SGCZ: variants seen among roughly 807,000 people sequenced by gnomAD.
The protein encoded by SGCZ is sarcoglycan zeta.
A neutral mutation model predicts 41.3 loss-of-function variants in SGCZ; 40 were observed. The observed-to-expected ratio is 0.97, with a 90% CI of 0.75 to 1.26. SGCZ has a LOEUF of 1.26. Ranked by LOEUF, SGCZ falls within the 50% of genes most tolerant of loss-of-function variation. The pLI is 0.00. For synonymous variants in SGCZ, 206 were observed against 137.5 expected (o/e 1.50, Z -3.49); for missense variants, 552 against 369.8 (o/e 1.49, Z -4.04).
chr8:14,377,317 T>C (rs1467310936), intron 2 of SGCZ, among the ~76,000 whole-genome samples: 1 of 152,008 alleles, frequency 6.6e-6, no homozygotes, highest in Non-Finnish European at 1.5e-5. Context: ...GAGGGTGGTG[T>C]GCATGCAGAG....
rs544818008 is a variant in SGCZ, at chr8:14,200,948, A to G, written c.425-36246T>C. Among the ~76,000 whole-genome samples the G allele has an allele frequency of 2.0e-5, 3 of 152,304 alleles. No individual in the cohort carries two copies. The South Asian group carries it at 6.2e-4, about 32-fold the overall frequency. ...AGAGCTTTCAAAATTGAATAATTATAAAACAACCCACAAATAAAATCCATA... is the reference window on the plus strand; with the variant it reads ...AGAGCTTTCAAAATTGAATAATTATGAAACAACCCACAAATAAAATCCATA... On this transcript the variant is annotated intron_variant, in intron 4 of 7. Coordinates refer to ENST00000382080, the MANE Select transcript of SGCZ (RefSeq NM_139167.4).
At chr8:14,118,332 G>A (rs768467885) in intron 5 of SGCZ, among the ~76,000 whole-genome samples, 3 of 152,122 alleles carry the variant, frequency 2.0e-5, no homozygotes, top group Admixed American at 6.6e-5. Flanking sequence ...TGATGGTGAG[G>A]TGTTTTTCAT....
chr8:14,547,155 G>A (rs924334571), intron 2 of SGCZ, among the ~76,000 whole-genome samples: 7 of 152,164 alleles, frequency 4.6e-5, no homozygotes, highest in Middle Eastern at 6.8e-3. Flanking sequence ...TCTTAATCAG[G>A]TAATAATTTG....
chr8:14,376,441 C>A (rs1804133336), intron 2 of SGCZ, among the ~76,000 whole-genome samples: 1 of 152,122 alleles, frequency 6.6e-6, no homozygotes, highest in South Asian at 2.1e-4. Context: ...GGTTAGATGA[C>A]ATTTAACCTT....
At chr8:14,379,615 C>G (rs947808361) in intron 2 of SGCZ, among the ~76,000 whole-genome samples, 3 of 152,050 alleles carry the variant, frequency 2.0e-5, no homozygotes, top group African/African-American at 7.2e-5. Context: ...ACACAGTCAA[C>G]CGATACTAAG....
intron 1 of SGCZ, among the ~76,000 whole-genome samples, chr8:14,662,502 T>A (rs540059912): frequency 6.6e-6 from 1 of 152,164 alleles, no homozygotes; most frequent in Non-Finnish European, 1.5e-5. Flanking sequence ...AATAATGCAA[T>A]GTAAAGAATA....
In SGCZ at chr8:14,085,789, T is replaced by C. The variant is rs1267331926; in HGVS notation, c.*4654A>G. 6.6e-6 allele frequency among the ~76,000 whole-genome samples: 1 copy of C among 151,778 alleles called. No homozygotes were observed. The highest frequency in any genetic ancestry group is 1.5e-5 in the Non-Finnish European group (1 of 67,804). ...CTTCTGAAACAAAAGCATTCCTTAA[T>C]TTATACAACTCAGGATCCTCCAAGA... On this transcript the variant is annotated 3_prime_UTR_variant, in exon 8 of 8. Coordinates refer to ENST00000382080, the MANE Select transcript of SGCZ (RefSeq NM_139167.4).
chr8:15,012,859 CT>C lies in SGCZ; in HGVS notation c.39+224725del, dbSNP rs895148000. 2.0e-5 allele frequency among the ~76,000 whole-genome samples: 3 copies of C among 150,590 alleles called. No individual in the cohort carries two copies. The Admixed American group carries it at 2.0e-4, about 10-fold the overall frequency. On this transcript the variant is annotated intron_variant, in intron 1 of 7. Transcript: ENST00000382080. Reference sequence around the variant, plus strand: ...ACATTTCTTTTTCAGTAATTTTCAGCTTTTTTTTCCTTTCTATTCATTTGTA... The same window carrying C: ...ACATTTCTTTTTCAGTAATTTTCAGCTTTTTTTCCTTTCTATTCATTTGTA...
chr8:14,381,390 C>T, intron 2 of SGCZ, among the ~76,000 whole-genome samples: 1 of 152,268 alleles, frequency 6.6e-6, no homozygotes, highest in Middle Eastern at 3.4e-3. Flanking sequence ...AATGGGGTGT[C>T]ATAAAAGATG....
intron 1 of SGCZ, among the ~76,000 whole-genome samples, chr8:14,668,700 G>A (rs1241251112): frequency 6.6e-6 from 1 of 152,172 alleles, no homozygotes; most frequent in Non-Finnish European, 1.5e-5. Flanking sequence ...TCACAGAACA[G>A]CAGAAAGGCT....
chr8:14,201,746 G>T (rs1805462689), intron 4 of SGCZ, among the ~76,000 whole-genome samples: 1 of 152,082 alleles, frequency 6.6e-6, no homozygotes, highest in Non-Finnish European at 1.5e-5. Flanking sequence ...GCTCTATACT[G>T]AAGTAGGAAA....
chr8:15,219,296 A>T (rs1358747758), intron 1 of SGCZ, among the ~76,000 whole-genome samples: 4 of 152,188 alleles, frequency 2.6e-5, no homozygotes, highest in African/African-American at 9.7e-5. Flanking sequence ...ATATATACAT[A>T]TAAGTATGTG....
chr8:14,175,074 C>G (rs1457976605), intron 4 of SGCZ, among the ~76,000 whole-genome samples: 1 of 151,990 alleles, frequency 6.6e-6, no homozygotes, highest in Non-Finnish European at 1.5e-5. Flanking sequence ...GTTAAGACTT[C>G]AACATATTAA....
At chr8:14,685,353 G>C (rs1808578703) in intron 1 of SGCZ, among the ~76,000 whole-genome samples, 1 of 152,062 alleles carries the variant, frequency 6.6e-6, no homozygotes, top group Non-Finnish European at 1.5e-5. Flanking sequence ...ATTAGACAAA[G>C]ATAGAAGTCT....
At chr8:14,272,521 T>C (rs956393210) in intron 3 of SGCZ, among the ~76,000 whole-genome samples, 52 of 152,176 alleles carry the variant, frequency 3.4e-4, no homozygotes, top group African/African-American at 1.0e-3. Flanking sequence ...TTTCAAGCTA[T>C]TAATATGACA....
intron 1 of SGCZ, among the ~76,000 whole-genome samples, chr8:14,777,975 G>A (rs1240930631): frequency 6.6e-6 from 1 of 151,650 alleles, no homozygotes; most frequent in African/African-American, 2.4e-5. Context: ...TCAGGCTGGA[G>A]TGCAGAGGCA....
intron 2 of SGCZ, among the ~76,000 whole-genome samples, chr8:14,504,949 A>G (rs17119489): frequency 0.033 from 5,095 of 152,218 alleles, 217 homozygotes; most frequent in African/African-American, 0.096. Context: ...TGTTATGGCT[A>G]TTTATAATGT....
intron 1 of SGCZ, among the ~76,000 whole-genome samples, chr8:14,632,296 T>C (rs1478333126): frequency 6.6e-6 from 1 of 152,088 alleles, no homozygotes; most frequent in East Asian, 1.9e-4. Context: ...GCATTAGGAT[T>C]ACAGGCCTGA....
intron 1 of SGCZ, among the ~76,000 whole-genome samples, chr8:14,667,783 T>C (rs17120006): frequency 0.19 from 28,462 of 152,066 alleles, 3,496 homozygotes; most frequent in East Asian, 0.44. Flanking sequence ...ATCAAAGGGA[T>C]AGTTGTTGAG....
Sources: allele counts gnomAD v4.1 joint callset (sites outside exome capture counted in the v4.1 genomes callset), GRCh38; gene constraint gnomAD v4.1.1; transcripts MANE v1.5; gene names NCBI Gene and HGNC (gene_info 2026-07-23, HGNC 2026-07-21).